Variants in PRSS23 observed in about 807,000 individuals in gnomAD.
The protein encoded by PRSS23 is serine protease 23.
Under a neutral mutation model 34.7 loss-of-function variants are expected in PRSS23, and 25 were observed. The ratio of observed to expected loss-of-function variants is 0.72; its 90% CI spans 0.53 to 1.01. PRSS23 has a LOEUF of 1.01. PRSS23 is among the 50% of genes least tolerant of loss of function. The probability of loss-of-function intolerance (pLI) is 0.00; values close to 1 mark genes in which losing one functional copy is unlikely to be tolerated. For synonymous variants in PRSS23, 176 were observed against 186.6 expected (o/e 0.94, Z 0.46); for missense variants, 445 against 475.6 (o/e 0.94, Z 0.60).
rs922808925 is a variant in PRSS23 at position 86,808,570 on chromosome 11, C to T, written c.927C>T (p.Cys309=). ...DETYDLLYQQ[C]DAQPGASGSG... is the part of the protein sequence containing the mutation. The stretch of plus-strand genomic sequence containing the variant: ...CCTATGACTTGCTCTACCAGCAATG[C>T]GATGCCCAGCCAGGGGCCAGCGGGT... Residue 309 remains cysteine (C), a synonymous_variant, in exon 2 of 2, where the codon TGC becomes TGT. Transcript: ENST00000280258. The T allele has an allele frequency of 2.5e-6, 4 of 1,614,182 alleles. No individual in the cohort carries two copies. Among genetic ancestry groups the T allele is most frequent in the African/African-American group, 1.3e-5 (1 of 75,038 alleles).
At chr11:86,826,509 G>A (rs1395278812) in intron 2 of PRSS23, among the ~76,000 whole-genome samples, 11 of 152,080 alleles carry the variant, frequency 7.2e-5, no homozygotes, top group Admixed American at 2.6e-4. Flanking sequence ...AATTGCCCTG[G>A]CCAGAACTTC....
At chr11:86,831,198 G>C (rs1444015578) in intron 2 of PRSS23, among the ~76,000 whole-genome samples, 2 of 151,938 alleles carry the variant, frequency 1.3e-5, no homozygotes, top group Non-Finnish European at 2.9e-5. Context: ...TACACCCTGC[G>C]ATATTATTCA....
At chr11:86,823,702 G>C (rs895769592) in intron 2 of PRSS23, 4 of 659,930 alleles carry the variant, frequency 6.1e-6, no homozygotes, top group Non-Finnish European at 1.1e-5. Flanking sequence ...ATGTCACATT[G>C]GTTTCATCAA....
At chr11:86,900,552 G>A (rs1052542982) in intron 2 of PRSS23, among the ~76,000 whole-genome samples, 1 of 152,002 alleles carries the variant, frequency 6.6e-6, no homozygotes, top group Non-Finnish European at 1.5e-5. Flanking sequence ...GGTGCTACAG[G>A]GCCCTGCATG....
chr11:86,842,650 A>G (rs1277883316), intron 2 of PRSS23, among the ~76,000 whole-genome samples: 1 of 152,156 alleles, frequency 6.6e-6, no homozygotes, highest in East Asian at 1.9e-4. Context: ...GAGCTAAATC[A>G]TAAGTGAACT....
intron 2 of PRSS23, among the ~76,000 whole-genome samples, chr11:86,845,168 T>C (rs540849479): frequency 8.3e-4 from 127 of 152,138 alleles, no homozygotes; most frequent in African/African-American, 2.9e-3. Context: ...GAAGGTTCTA[T>C]TCAATAATTA....
chr11:86,867,874 C>CAAAAAAAAAAAAAAAAAAAAAAA (rs11352878), intron 2 of PRSS23, among the ~76,000 whole-genome samples: 5 of 118,314 alleles, frequency 4.2e-5, no homozygotes, highest in African/African-American at 1.8e-4. Context: ...GACCCTACCT[C>CAAAAAAAAAAAAAAAAAAAAAAA]AAAAAAAAAA....
chr11:86,890,760 C>T (rs1948836169), intron 2 of PRSS23, among the ~76,000 whole-genome samples: 2 of 152,012 alleles, frequency 1.3e-5, no homozygotes, highest in Non-Finnish European at 2.9e-5. Context: ...CAAGTGGTTG[C>T]AGTTTCCTGC....
intron 2 of PRSS23, among the ~76,000 whole-genome samples, chr11:86,826,781 A>G (rs1258194348): frequency 6.6e-6 from 1 of 152,138 alleles, no homozygotes; most frequent in African/African-American, 2.4e-5. Flanking sequence ...TTCTGTTTAT[A>G]TGCTGGATTA....
At chr11:86,940,932 C>T (rs756630405) in intron 2 of PRSS23, 85 of 152,184 alleles carry the variant, frequency 5.6e-4, no homozygotes, top group African/African-American at 1.9e-3. Context: ...CCTACATAAA[C>T]GACCTACTGG....
At chr11:86,831,623 G>A (rs78472463) in intron 2 of PRSS23, among the ~76,000 whole-genome samples, 1,925 of 151,704 alleles carry the variant, frequency 0.013, 34 homozygotes, top group African/African-American at 0.044. Flanking sequence ...AATGTCACAG[G>A]GGGTGTACGC....
chr11:86,871,497 C>T (rs1158127077), intron 2 of PRSS23, among the ~76,000 whole-genome samples: 1 of 152,144 alleles, frequency 6.6e-6, no homozygotes, highest in Non-Finnish European at 1.5e-5. Context: ...GTACAGTATT[C>T]TCTTCTCCAG....
At chr11:86,828,029 G>C (rs1326315563) in intron 2 of PRSS23, among the ~76,000 whole-genome samples, 13 of 152,166 alleles carry the variant, frequency 8.5e-5, no homozygotes, top group Non-Finnish European at 2.9e-5. Context: ...GCAGAGCTGA[G>C]TTCAATTCCT....
rs571505918 is a variant in PRSS23, at chr11:86,882,476, G to A, written c.206+58883G>A. ...ATGTGGTATTTGGTTTTCTGTGCCC[G>A]TGTCAGTTTGCTAAGGATAATGGCC... On this transcript the variant is annotated intron_variant, in intron 2 of 2. Coordinates refer to the PRSS23 transcript ENST00000533902. Among the ~76,000 whole-genome samples the A allele has an allele frequency of 4.3e-4, 65 of 152,108 alleles. 2 individuals are homozygous for A. The South Asian group carries it at 0.012, about 29-fold the overall frequency.
At chr11:86,822,438 T>C (rs1948259070) in intron 1 of PRSS23, among the ~76,000 whole-genome samples, 1 of 151,980 alleles carries the variant, frequency 6.6e-6, no homozygotes, top group Admixed American at 6.5e-5. Flanking sequence ...CTGGGCCACA[T>C]AGTGAGACCT....
intron 2 of PRSS23, among the ~76,000 whole-genome samples, chr11:86,835,879 C>T (rs1009520082): frequency 2.0e-5 from 3 of 152,104 alleles, no homozygotes; most frequent in Admixed American, 1.3e-4. Context: ...ATCCACGTAC[C>T]GAAGGACAAG....
chr11:86,840,000 C>T (rs1948435673), intron 2 of PRSS23, among the ~76,000 whole-genome samples: 1 of 151,562 alleles, frequency 6.6e-6, no homozygotes. Flanking sequence ...CAAAAACATG[C>T]CAAATTGTAA....
chr11:86,900,902 A>G lies in PRSS23; in HGVS notation c.207-50314A>G, dbSNP rs559172967. Among the ~76,000 whole-genome samples, 5 of 146,948 alleles carry G rather than the reference A, an allele frequency of 3.4e-5. No homozygotes were observed. The South Asian group carries it at 1.1e-3, about 32-fold the overall frequency. ...CAGGTTCAAGCGATTCTCCTGCCTC[A>G]ACCTCCCAAGTAGCTAGGACTACAG... On this transcript the variant is annotated intron_variant, in intron 2 of 2. Transcript: ENST00000533902.
At chr11:86,863,190 A>T (rs1056224290) in intron 2 of PRSS23, among the ~76,000 whole-genome samples, 13 of 152,196 alleles carry the variant, frequency 8.5e-5, no homozygotes, top group Admixed American at 7.8e-4. Flanking sequence ...ATAATTCCTA[A>T]TATCCTAGGG....
Sources: allele counts gnomAD v4.1 joint callset (sites outside exome capture counted in the v4.1 genomes callset), GRCh38; gene constraint gnomAD v4.1.1; transcripts MANE v1.5; gene names NCBI Gene and HGNC (gene_info 2026-07-23, HGNC 2026-07-21).